CEP112: variants seen among roughly 807,000 people sequenced by gnomAD.
The protein encoded by CEP112 is centrosomal protein 112, also known as centrosomal protein of 112 kDa.
Under a neutral mutation model 153.0 loss-of-function variants are expected in CEP112, and 127 were observed. That is an observed-to-expected ratio of 0.83 (90% CI 0.72 to 0.96). The LOEUF is 0.96. Ranked by LOEUF, CEP112 falls within the 40% of genes least tolerant of loss-of-function variation. The probability of loss-of-function intolerance (pLI) is 0.00; values close to 1 mark genes in which losing one functional copy is unlikely to be tolerated. For synonymous variants in CEP112, 358 were observed against 374.4 expected (o/e 0.96, Z 0.51); for missense variants, 1,089 against 1,101.2 (o/e 0.99, Z 0.16).
At chr17:66,140,438 A>T (rs954153431) in intron 4 of CEP112, among the ~76,000 whole-genome samples, 13 of 152,242 alleles carry the variant, frequency 8.5e-5, no homozygotes, top group African/African-American at 3.1e-4. Context: ...GTCAGGCAAG[A>T]GAAAGGCATC....
chr17:65,917,995 G>A (rs904526206), intron 19 of CEP112, among the ~76,000 whole-genome samples: 2 of 151,984 alleles, frequency 1.3e-5, no homozygotes, highest in South Asian at 2.1e-4. Flanking sequence ...TGGGCAACAC[G>A]ATGAAACCCT....
chr17:65,902,315 T>C lies in CEP112; in HGVS notation c.2000A>G (p.Glu667Gly). ...YEQQIVELKL[E>G]HEQEKTHLLQ... ...TAGGTGCGTCTTCTCCTGTTCATGC[T>C]CCAGCTTCAGCTCTACTATCTGATT... is the stretch of plus-strand genomic sequence containing the variant. Residue 667 changes from glutamate (E) to glycine (G), a missense_variant, in exon 20 of 27, where the codon GAG becomes GGG. Transcript: ENST00000535342. 6.2e-7 allele frequency: 1 copy of C among 1,613,168 alleles called. No homozygotes were observed.
At chr17:66,109,037 C>A (rs975530310) in intron 6 of CEP112, among the ~76,000 whole-genome samples, 1 of 152,062 alleles carries the variant, frequency 6.6e-6, no homozygotes, top group African/African-American at 2.4e-5. Context: ...TTGACATGTT[C>A]TCAATTATTT....
intron 21 of CEP112, among the ~76,000 whole-genome samples, chr17:65,800,790 T>A (rs1240671746): frequency 6.6e-6 from 1 of 152,234 alleles, no homozygotes. Context: ...TTGTCTTTTT[T>A]AATACAGCCA....
At chr17:66,123,986 C>T (rs867446831) in intron 6 of CEP112, among the ~76,000 whole-genome samples, 2 of 152,180 alleles carry the variant, frequency 1.3e-5, no homozygotes, top group African/African-American at 4.8e-5. Flanking sequence ...TCAGATCAGT[C>T]TGCGAATTCC....
intron 8 of CEP112, among the ~76,000 whole-genome samples, chr17:66,094,997 T>A (rs1445204343): frequency 1.3e-5 from 2 of 151,970 alleles, no homozygotes; most frequent in Non-Finnish European, 2.9e-5. Flanking sequence ...AGAAAAAAGA[T>A]CAGTATTGGA....
chr17:65,993,733 G>C (rs755806065), intron 17 of CEP112, among the ~76,000 whole-genome samples: 1 of 152,064 alleles, frequency 6.6e-6, no homozygotes, highest in Non-Finnish European at 1.5e-5. Flanking sequence ...GAGCAAAAGA[G>C]GCCAGGCACA....
At chr17:66,035,599 T>C (rs1669590004) in intron 12 of CEP112, among the ~76,000 whole-genome samples, 1 of 152,228 alleles carries the variant, frequency 6.6e-6, no homozygotes, top group Non-Finnish European at 1.5e-5. Context: ...TCTGCTTATT[T>C]ACCCAAAAGA....
At chr17:66,065,456 C>A (rs753008388) in intron 10 of CEP112, among the ~76,000 whole-genome samples, 1 of 151,848 alleles carries the variant, frequency 6.6e-6, no homozygotes, top group Non-Finnish European at 1.5e-5. Flanking sequence ...TTCAATACAC[C>A]CTCCATTACC....
intron 6 of CEP112, among the ~76,000 whole-genome samples, chr17:66,125,140 C>CAAATGGTAT (rs1159950462): frequency 1.4e-4 from 21 of 152,014 alleles, no homozygotes; most frequent in Non-Finnish European, 2.8e-4. Context: ...GTAGATACTT[C>CAAATGGTAT]CAGATATTTT....
intron 11 of CEP112, among the ~76,000 whole-genome samples, chr17:66,056,083 T>A (rs539785035): frequency 1.1e-4 from 17 of 152,218 alleles, no homozygotes; most frequent in South Asian, 8.3e-4. Context: ...CTTGCTGGAG[T>A]TTATGAAACC....
At chr17:66,024,216 T>TA (rs2065109819) in intron 16 of CEP112, among the ~76,000 whole-genome samples, 1 of 152,118 alleles carries the variant, frequency 6.6e-6, no homozygotes, top group South Asian at 2.1e-4. Context: ...AACATCACGA[T>TA]AAACAGGGAA....
chr17:66,164,575 A>G (rs1201374863), intron 4 of CEP112, among the ~76,000 whole-genome samples: 1 of 81,226 alleles, frequency 1.2e-5, no homozygotes, highest in Non-Finnish European at 2.5e-5. Context: ...AAAAAAAAAA[A>G]TGGCCAGCAT....
At chr17:65,648,213 C>T (rs9899991) in intron 24 of CEP112, among the ~76,000 whole-genome samples, 71,187 of 151,798 alleles carry the variant, frequency 0.47, 16,947 homozygotes, top group Middle Eastern at 0.57. Flanking sequence ...CCACATCGCA[C>T]CAAAGAGAGG....
intron 4 of CEP112, among the ~76,000 whole-genome samples, chr17:66,167,996 T>G (rs1305638377): frequency 6.6e-6 from 1 of 152,232 alleles, no homozygotes; most frequent in East Asian, 1.9e-4. Flanking sequence ...TAGAAAATTT[T>G]TTATTTTTAT....
chr17:66,030,502 A>G (rs1011685409), intron 12 of CEP112, among the ~76,000 whole-genome samples: 1 of 152,224 alleles, frequency 6.6e-6, no homozygotes, highest in Admixed American at 6.5e-5. Context: ...GGGTGTTCAC[A>G]TAAGTGATAC....
Position 66,045,641 on chromosome 17 carries a change from AATAGTAAAAATGAAAC to A in CEP112, c.1218+8079_1218+8094del, listed in dbSNP as rs550613573. Reference sequence around the variant, plus strand: ...ACAGAATATGTTAGAGTAAATGGCCAATAGTAAAAATGAAACTTTTGTTTGAGTTATAAATATGCAG... The same window carrying A: ...ACAGAATATGTTAGAGTAAATGGCCATTTTGTTTGAGTTATAAATATGCAG... On this transcript the variant is annotated intron_variant, in intron 12 of 26. Transcript: ENST00000535342. 2.0e-5 allele frequency among the ~76,000 whole-genome samples: 3 copies of A among 152,358 alleles called. No individual in the cohort carries two copies. The South Asian group carries it at 6.2e-4, about 32-fold the overall frequency.
intron 8 of CEP112, among the ~76,000 whole-genome samples, chr17:66,088,332 G>A (rs1265349186): frequency 6.6e-6 from 1 of 152,056 alleles, no homozygotes; most frequent in Non-Finnish European, 1.5e-5. Context: ...TCACCACATT[G>A]CCAGGCGGGC....
rs573132838 is a variant in CEP112, at chr17:66,041,417, A to G, written c.1219-11394T>C. Among the ~76,000 whole-genome samples, 15 of 152,334 alleles carry G rather than the reference A, an allele frequency of 9.8e-5. No individual in the cohort carries two copies. In the South Asian group the frequency reaches 3.1e-3, roughly 32 times the overall value. On this transcript the variant is annotated intron_variant, in intron 12 of 26. Coordinates refer to ENST00000535342, the MANE Select transcript of CEP112 (RefSeq NM_001199165.4). Reference sequence around the variant, plus strand: ...CATCATTTCATTATAATAACGAGAAAAAAAATTTGGTTTCATTATATGTCA... The same window carrying G: ...CATCATTTCATTATAATAACGAGAAGAAAAATTTGGTTTCATTATATGTCA...
Sources: gnomAD v4.1 joint callset for allele counts (sites outside exome capture counted in the v4.1 genomes callset) on GRCh38, gnomAD v4.1.1 for gene constraint, MANE v1.5 for transcripts, NCBI Gene and HGNC (gene_info 2026-07-23, HGNC 2026-07-21) for gene names.